The following NEGR1 variants were observed in gnomAD, a reference collection of about 807,000 sequenced individuals.
NEGR1 encodes the protein neuronal growth regulator 1, also known as IgLON family member 4.
A neutral mutation model predicts 40.9 loss-of-function variants in NEGR1; 10 were observed. That is an observed-to-expected ratio of 0.24 (90% CI 0.15 to 0.42). The LOEUF (loss-of-function observed/expected upper bound fraction) is 0.42. Ranked by LOEUF, NEGR1 falls within the 10% of genes least tolerant of loss-of-function variation. The pLI, the probability that NEGR1 is intolerant of heterozygous loss-of-function variation, is 1.00. For missense variants in NEGR1, 352 were observed against 438.9 expected, an observed-to-expected ratio of 0.80 and a Z score of 1.77; for synonymous variants, 185 against 166.8, an observed-to-expected ratio of 1.11 and a Z score of -0.84.
chr1:71,860,899 A>G (rs1463500001), intron 2 of NEGR1, among the ~76,000 whole-genome samples: 1 of 152,052 alleles, frequency 6.6e-6, no homozygotes, highest in East Asian at 1.9e-4. Context: ...TTTATAGAAT[A>G]GCACATCTAC....
intron 3 of NEGR1, among the ~76,000 whole-genome samples, chr1:71,733,865 TC>T (rs1425319359): frequency 7.2e-5 from 11 of 152,280 alleles, no homozygotes; most frequent in Admixed American, 5.9e-4. Context: ...TGCTACATCT[TC>T]CCCCCACTAT....
At chr1:71,686,490 C>T (rs1412938143) in intron 4 of NEGR1, among the ~76,000 whole-genome samples, 1 of 152,040 alleles carries the variant, frequency 6.6e-6, no homozygotes, top group Non-Finnish European at 1.5e-5. Context: ...GTTAGTATTC[C>T]CATTAACTAG....
intron 2 of NEGR1, among the ~76,000 whole-genome samples, chr1:71,781,820 G>A (rs1354043500): frequency 2.6e-5 from 4 of 152,046 alleles, no homozygotes; most frequent in Non-Finnish European, 5.9e-5. Flanking sequence ...ACAATTATGA[G>A]ATCTATTCTC....
intron 2 of NEGR1, among the ~76,000 whole-genome samples, chr1:71,855,864 T>C (rs990894384): frequency 6.6e-6 from 1 of 152,072 alleles, no homozygotes; most frequent in East Asian, 1.9e-4. Context: ...TGTTGGAGTA[T>C]GTTAGAAATT....
At chr1:72,101,209 A>C (rs898479366) in intron 1 of NEGR1, among the ~76,000 whole-genome samples, 2 of 152,166 alleles carry the variant, frequency 1.3e-5, no homozygotes, top group Non-Finnish European at 2.9e-5. Context: ...AATTCAGTAG[A>C]AGTCATCTGT....
chr1:71,980,414 G>A (rs192956391), intron 1 of NEGR1, among the ~76,000 whole-genome samples: 2 of 152,082 alleles, frequency 1.3e-5, no homozygotes, highest in East Asian at 3.9e-4. Context: ...TAGGCAATAG[G>A]GAAAAAGGCA....
At chr1:71,939,075 TTACTC>T (rs1413648818) in intron 1 of NEGR1, among the ~76,000 whole-genome samples, 19 of 152,150 alleles carry the variant, frequency 1.2e-4, no homozygotes, top group African/African-American at 4.1e-4. Flanking sequence ...ATTTTCCACT[TTACTC>T]TGCTCTAGGC....
intron 6 of NEGR1, among the ~76,000 whole-genome samples, chr1:71,510,847 G>T (rs1647068646): frequency 1.3e-5 from 2 of 152,150 alleles, no homozygotes; most frequent in Admixed American, 6.5e-5. Context: ...GGTTTGGGTG[G>T]GTGAATGTGT....
intron 1 of NEGR1, among the ~76,000 whole-genome samples, chr1:72,122,149 C>G (rs1338817759): frequency 1.3e-5 from 2 of 151,976 alleles, no homozygotes; most frequent in South Asian, 2.1e-4. Flanking sequence ...CTCCCATACT[C>G]AATAAGTTCC....
intron 1 of NEGR1, among the ~76,000 whole-genome samples, chr1:72,147,196 T>C (rs1650943277): frequency 6.6e-6 from 1 of 152,196 alleles, no homozygotes; most frequent in Non-Finnish European, 1.5e-5. Flanking sequence ...TAGTTCGTTT[T>C]CATGCTGCTT....
Position 71,809,860 on chromosome 1 carries a change from T to C in NEGR1, c.410-33563A>G, listed in dbSNP as rs1303054644. ...AAATTTAATACATGATTTCTGAAAG[T>C]CTTACCAACCTGTGATCCTAACAGA... On this transcript the variant is annotated intron_variant, in intron 2 of 6. Transcript: ENST00000357731. Among the ~76,000 whole-genome samples, 7 of 152,146 alleles carry C rather than the reference T, an allele frequency of 4.6e-5. No individual in the cohort carries two copies. The East Asian group carries it at 1.2e-3, about 25-fold the overall frequency.
At chr1:71,946,913 A>G (rs997521655) in intron 1 of NEGR1, among the ~76,000 whole-genome samples, 5 of 151,626 alleles carry the variant, frequency 3.3e-5, no homozygotes, top group Middle Eastern at 3.4e-3. Flanking sequence ...CCCCATCTCT[A>G]CAACAAAAAT....
chr1:72,256,532 A>G (rs1311120282), intron 1 of NEGR1, among the ~76,000 whole-genome samples: 1 of 152,236 alleles, frequency 6.6e-6, no homozygotes, highest in African/African-American at 2.4e-5. Flanking sequence ...ATTATGAATT[A>G]TAATCACCCT....
chr1:71,418,003 A>G (rs145784814), intron 6 of NEGR1, among the ~76,000 whole-genome samples: 2 of 151,962 alleles, frequency 1.3e-5, no homozygotes, highest in African/African-American at 4.8e-5. Flanking sequence ...TAAACAAATA[A>G]TGCTTAAGTA....
chr1:72,242,031 C>G (rs562240299), intron 1 of NEGR1, among the ~76,000 whole-genome samples: 1 of 149,816 alleles, frequency 6.7e-6, no homozygotes, highest in Non-Finnish European at 1.5e-5. Flanking sequence ...AGGATGGAAA[C>G]AATAATTATG....
At chr1:71,798,163 A>C (rs1657408692) in intron 2 of NEGR1, 1 of 152,024 alleles carries the variant, frequency 6.6e-6, no homozygotes, top group South Asian at 2.1e-4. Context: ...AGCCCCCTGA[A>C]GCTATGACTG....
At chr1:71,898,810 C>T (rs1353218776) in intron 2 of NEGR1, among the ~76,000 whole-genome samples, 1 of 146,658 alleles carries the variant, frequency 6.8e-6, no homozygotes, top group Admixed American at 6.8e-5. Flanking sequence ...TATATGTATA[C>T]ATATATTTTA....
intron 4 of NEGR1, among the ~76,000 whole-genome samples, chr1:71,635,980 CTT>C (rs1392844643): frequency 6.6e-6 from 1 of 151,942 alleles, no homozygotes; most frequent in African/African-American, 2.4e-5. Context: ...CAAGTAAACA[CTT>C]GACAAATAAA....
At chr1:72,257,344 A>G (rs924371709) in intron 1 of NEGR1, among the ~76,000 whole-genome samples, 3 of 147,000 alleles carry the variant, frequency 2.0e-5, no homozygotes, top group African/African-American at 7.6e-5. Context: ...AAAAAAAAAA[A>G]GAATAGCACA....
Sources: allele counts gnomAD v4.1 joint callset (sites outside exome capture counted in the v4.1 genomes callset), GRCh38; gene constraint gnomAD v4.1.1; transcripts MANE v1.5; gene names NCBI Gene and HGNC (gene_info 2026-07-23, HGNC 2026-07-21).